The following BCR variants were observed in gnomAD, a reference collection of about 807,000 sequenced individuals.
BCR encodes the protein breakpoint cluster region protein.
Under a neutral mutation model 138.6 loss-of-function variants are expected in BCR, and 58 were observed. The observed-to-expected ratio is 0.42, with a 90% CI of 0.34 to 0.52. The LOEUF (loss-of-function observed/expected upper bound fraction) is 0.52. Among genes scored for constraint, BCR ranks in the 20% least tolerant of loss-of-function variants. The pLI, the probability that BCR is intolerant of heterozygous loss-of-function variation, is 0.06. For synonymous variants in BCR, 786 were observed against 730.1 expected, an observed-to-expected ratio of 1.08 and a Z score of -1.23; for missense variants, 1,599 against 1,727.2, an observed-to-expected ratio of 0.93 and a Z score of 1.32.
At chr22:23,197,142 C>G (rs1409839560) in intron 1 of BCR, among the ~76,000 whole-genome samples, 1 of 152,142 alleles carries the variant, frequency 6.6e-6, no homozygotes, top group Non-Finnish European at 1.5e-5. Context: ...TTTACTGTAC[C>G]TTTTCTACAT....
chr22:23,200,648 C>T (rs566838858), intron 1 of BCR, among the ~76,000 whole-genome samples: 1 of 152,164 alleles, frequency 6.6e-6, no homozygotes, highest in Non-Finnish European at 1.5e-5. Flanking sequence ...GCCTTGACCT[C>T]TCCAGGCTCA....
intron 14 of BCR, among the ~76,000 whole-genome samples, chr22:23,291,639 A>G (rs1009746468): frequency 3.3e-5 from 5 of 151,286 alleles, no homozygotes; most frequent in African/African-American, 1.2e-4. Context: ...CTTTCTTTCT[A>G]TCTCTTCCTT....
chr22:23,261,820 A>AGT, intron 4 of BCR: 1 of 203,988 alleles, frequency 4.9e-6, no homozygotes, highest in South Asian at 8.7e-5. Flanking sequence ...GCTGGAGTGC[A>AGT]GTGGCTATTC....
intron 1 of BCR, among the ~76,000 whole-genome samples, chr22:23,202,653 A>G (rs1192213741): frequency 6.6e-6 from 1 of 151,780 alleles, no homozygotes; most frequent in East Asian, 1.9e-4. Context: ...CATGTCCTCA[A>G]AGTTCATCTG....
chr22:23,239,862 A>G (rs1407075766), intron 1 of BCR, among the ~76,000 whole-genome samples: 3 of 148,632 alleles, frequency 2.0e-5, no homozygotes, highest in Non-Finnish European at 3.0e-5. Context: ...CTCCAGTCCC[A>G]GGCTGCAGTG....
chr22:23,313,122 C>T (rs1198457012), intron 20 of BCR, 101 bp downstream of exon 20: 5 of 1,418,092 alleles, frequency 3.5e-6, no homozygotes, highest in Non-Finnish European at 3.8e-6. Context: ...CAAGCTGTGC[C>T]CCCTCTGCCA....
chr22:23,185,246 T>C (rs1022156271), intron 1 of BCR, among the ~76,000 whole-genome samples: 28 of 152,324 alleles, frequency 1.8e-4, no homozygotes, highest in African/African-American at 6.7e-4. Context: ...TGCGGTGTTC[T>C]TCCCACTACC....
chr22:23,201,226 G>A (rs2072550191), intron 1 of BCR, among the ~76,000 whole-genome samples: 1 of 152,180 alleles, frequency 6.6e-6, no homozygotes, highest in African/African-American at 2.4e-5. Context: ...CCTCTGCTTG[G>A]GGTCTCCTCA....
intron 20 of BCR, 120 bp downstream of exon 20, chr22:23,313,141 A>G: frequency 7.8e-7 from 1 of 1,279,880 alleles, no homozygotes; most frequent in South Asian, 1.4e-5. Context: ...CATGGTCGGC[A>G]TTTTAACCCA....
At chr22:23,288,031 G>C in intron 11 of BCR, 66 bp from the exon 12 acceptor site, 1 of 1,493,820 alleles carries the variant, frequency 6.7e-7, no homozygotes, top group East Asian at 2.3e-5. Context: ...AAGGTGCCCC[G>C]GGCCTACCAG....
intron 14 of BCR, 144 bp from the exon 15 acceptor site, chr22:23,292,397 G>T (rs779158267): frequency 4.9e-6 from 3 of 614,816 alleles, no homozygotes; most frequent in Non-Finnish European, 8.4e-6. Context: ...CCACAATTAG[G>T]TGTTTAATTT....
In BCR at chr22:23,195,420, C is replaced by CAAA. The variant is rs529306820; in HGVS notation, c.1279+13199_1279+13201dup. Among the ~76,000 whole-genome samples, 468 of 92,250 alleles carry CAAA rather than the reference C, an allele frequency of 5.1e-3. 5 individuals are homozygous for CAAA. The highest frequency in any genetic ancestry group is 0.04 in the East Asian group (133 of 3,298). The allele number at this position is 92,250 out of a possible 152,430, so 60.5% of individuals were successfully genotyped here. A position where few individuals can be genotyped will look rare whatever the true frequency, so the allele number is the denominator to read the frequency against. ...GGGCTACAAGAGCGAAACTCCGTCT[C>CAAA]AAAAAAAAAAAAAAAAAAAATATCA... On this transcript the variant is annotated intron_variant, in intron 1 of 22. Transcript: ENST00000305877.
At chr22:23,236,024 G>A (rs185989530) in intron 1 of BCR, among the ~76,000 whole-genome samples, 6 of 152,312 alleles carry the variant, frequency 3.9e-5, no homozygotes, top group Non-Finnish European at 7.4e-5. Context: ...ATCTCAGAGT[G>A]CCACCCCCAC....
At chr22:23,234,878 C>T (rs770682151) in intron 1 of BCR, among the ~76,000 whole-genome samples, 2 of 143,668 alleles carry the variant, frequency 1.4e-5, no homozygotes, top group African/African-American at 2.5e-5. Flanking sequence ...AAGGGCCACC[C>T]GGAGCCTACA....
At chr22:23,287,982 C>T in intron 11 of BCR, 115 bp from the exon 12 acceptor site, 1 of 1,021,728 alleles carries the variant, frequency 9.8e-7, no homozygotes, top group Non-Finnish European at 1.5e-6. Context: ...CACCTGGCCA[C>T]TGGGCTCCAG....
chr22:23,271,969 GCA>G (rs1166256157), intron 6 of BCR, among the ~76,000 whole-genome samples: 1 of 151,952 alleles, frequency 6.6e-6, no homozygotes, highest in East Asian at 1.9e-4. Context: ...GGGATTACAG[GCA>G]CACACCACCA....
chr22:23,230,422 C>A (rs1337665226), intron 1 of BCR, among the ~76,000 whole-genome samples: 9 of 152,254 alleles, frequency 5.9e-5, no homozygotes, highest in Admixed American at 2.0e-4. Context: ...ATACTGATCA[C>A]CTCAGCCCAC....
In BCR at chr22:23,229,459, C is replaced by A. The variant is rs369086766; in HGVS notation, c.1280-24340C>A. 2.0e-5 allele frequency among the ~76,000 whole-genome samples: 3 copies of A among 152,044 alleles called. No individual in the cohort carries two copies. The East Asian group carries it at 5.8e-4, about 29-fold the overall frequency. On this transcript the variant is annotated intron_variant, in intron 1 of 22. Coordinates refer to ENST00000305877, the MANE Select transcript of BCR (RefSeq NM_004327.4). ...AGTGTAATATTATGAGACTCCGGAC[C>A]CTGTTTAAATGTTCTGAAAATGTTG...
At chr22:23,242,887 ATCCT>A in intron 1 of BCR, 1 of 455,548 alleles carries the variant, frequency 2.2e-6, no homozygotes, top group Non-Finnish European at 4.4e-6. Context: ...CTAGGGGAGG[ATCCT>A]TCCTTTCTGT....
Sources: allele counts gnomAD v4.1 joint callset (sites outside exome capture counted in the v4.1 genomes callset), GRCh38; gene constraint gnomAD v4.1.1; transcripts MANE v1.5; gene names NCBI Gene and HGNC (gene_info 2026-07-23, HGNC 2026-07-21).